Variants in KCTD16 observed in about 807,000 individuals in gnomAD.
KCTD16 encodes BTB/POZ domain-containing protein KCTD16.
KCTD16 carries 13 observed loss-of-function variants against 33.2 expected under a neutral mutation model. The ratio of observed to expected loss-of-function variants is 0.39; its 90% CI spans 0.25 to 0.62. KCTD16 has a LOEUF of 0.62. Ranked by LOEUF, KCTD16 falls within the 20% of genes least tolerant of loss-of-function variation. The pLI is 0.50. For synonymous variants in KCTD16, 197 were observed against 195.3 expected, an observed-to-expected ratio of 1.01 and a Z score of -0.07; for missense variants, 441 against 525.1, an observed-to-expected ratio of 0.84 and a Z score of 1.57.
intron 3 of KCTD16, among the ~76,000 whole-genome samples, chr5:144,224,062 T>C (rs1753850193): frequency 6.6e-6 from 1 of 152,216 alleles, no homozygotes; most frequent in African/African-American, 2.4e-5. Context: ...CATTTTTATT[T>C]GTTTTGTTTT....
At chr5:144,197,208 A>T (rs1752955738) in intron 2 of KCTD16, among the ~76,000 whole-genome samples, 1 of 152,218 alleles carries the variant, frequency 6.6e-6, no homozygotes, top group South Asian at 2.1e-4. Context: ...TAAAAAATAA[A>T]AACTAGAATT....
chr5:144,443,553 A>T (rs1050305425), intron 3 of KCTD16, among the ~76,000 whole-genome samples: 25 of 152,148 alleles, frequency 1.6e-4, no homozygotes, highest in African/African-American at 5.8e-4. Context: ...TAGTATATAT[A>T]AGAAAGGTAG....
At chr5:144,263,227 A>G (rs1044323934) in intron 3 of KCTD16, among the ~76,000 whole-genome samples, 14 of 152,208 alleles carry the variant, frequency 9.2e-5, no homozygotes, top group African/African-American at 2.7e-4. Flanking sequence ...GTTTACAGCA[A>G]TAGTTCCCAC....
intron 3 of KCTD16, among the ~76,000 whole-genome samples, chr5:144,454,516 A>G (rs1458833926): frequency 6.6e-6 from 1 of 150,778 alleles, no homozygotes; most frequent in African/African-American, 2.5e-5. Context: ...CTGGAATTAT[A>G]TCAACATGAA....
Position 144,283,043 on chromosome 5 carries a change from C to A in KCTD16, c.832+75497C>A, listed in dbSNP as rs529004218. On this transcript the variant is annotated intron_variant, in intron 3 of 3. Transcript: ENST00000512467. Reference sequence around the variant, plus strand: ...CACTGAAAGAGGGGGAATTGGATTTCTCTTTTTTTCTTTTTTTTATTATAC... The same window carrying A: ...CACTGAAAGAGGGGGAATTGGATTTATCTTTTTTTCTTTTTTTTATTATAC... Among the ~76,000 whole-genome samples, 4 of 152,248 alleles carry A rather than the reference C, an allele frequency of 2.6e-5. No individual in the cohort carries two copies. The East Asian group carries it at 5.8e-4, about 22-fold the overall frequency.
intron 3 of KCTD16, among the ~76,000 whole-genome samples, chr5:144,459,583 C>T (rs1754147006): frequency 6.6e-6 from 1 of 152,064 alleles, no homozygotes. Flanking sequence ...CTCCTGACCT[C>T]AGGTGATCTG....
chr5:144,318,609 A>G (rs755480402), intron 3 of KCTD16, among the ~76,000 whole-genome samples: 2 of 152,216 alleles, frequency 1.3e-5, no homozygotes, highest in Non-Finnish European at 2.9e-5. Flanking sequence ...TTTCTCATTC[A>G]GGACTATTTC....
At chr5:144,409,747 G>T (rs944993034) in intron 3 of KCTD16, among the ~76,000 whole-genome samples, 2 of 151,988 alleles carry the variant, frequency 1.3e-5, no homozygotes, top group African/African-American at 4.8e-5. Context: ...AAAGCAGGAG[G>T]CAGAGTTTGC....
intron 3 of KCTD16, among the ~76,000 whole-genome samples, chr5:144,296,103 G>A (rs1756026798): frequency 6.6e-6 from 1 of 152,152 alleles, no homozygotes; most frequent in East Asian, 1.9e-4. Flanking sequence ...TCTGCTTTCT[G>A]CTATTGCATG....
At chr5:144,467,987 G>A (rs1233212616) in intron 3 of KCTD16, among the ~76,000 whole-genome samples, 1 of 152,090 alleles carries the variant, frequency 6.6e-6, no homozygotes, top group Non-Finnish European at 1.5e-5. Context: ...TAAAACATGG[G>A]AAGAATTCCT....
chr5:144,381,094 A>G (rs1268096604), intron 3 of KCTD16, among the ~76,000 whole-genome samples: 2 of 152,190 alleles, frequency 1.3e-5, no homozygotes, highest in East Asian at 3.9e-4. Flanking sequence ...TAAGAAACTT[A>G]AACAAATTAA....
At chr5:144,456,698 C>T (rs1273225655) in intron 3 of KCTD16, among the ~76,000 whole-genome samples, 9 of 150,244 alleles carry the variant, frequency 6.0e-5, no homozygotes, top group Non-Finnish European at 1.3e-4. Context: ...GTAGTTGTGT[C>T]GATCTGGGCT....
In KCTD16 at chr5:144,454,028, C is replaced by G. The variant is rs183625383; in HGVS notation, c.833-19632C>G. On this transcript the variant is annotated intron_variant, in intron 3 of 3. Transcript: ENST00000512467. ...GGATGGAATAAAGGGTGATTAACCT[C>G]TCAGATTTCTTTTGATGAGAAAGTT... Among the ~76,000 whole-genome samples, 426 of 152,268 alleles carry G rather than the reference C, an allele frequency of 2.8e-3. 3 individuals carry two copies. Among genetic ancestry groups the G allele is most frequent in the African/African-American group, 9.9e-3 (410 of 41,550 alleles).
intron 2 of KCTD16, among the ~76,000 whole-genome samples, chr5:144,178,494 G>C (rs1332651754): frequency 6.6e-6 from 1 of 152,106 alleles, no homozygotes; most frequent in Non-Finnish European, 1.5e-5. Flanking sequence ...TGCACACTTA[G>C]ATCTAGAAGT....
intron 3 of KCTD16, among the ~76,000 whole-genome samples, chr5:144,303,365 A>G (rs1751496663): frequency 6.6e-6 from 1 of 152,132 alleles, no homozygotes; most frequent in Non-Finnish European, 1.5e-5. Flanking sequence ...TAGGCTTGTG[A>G]GATCTCTGTA....
intron 3 of KCTD16, among the ~76,000 whole-genome samples, chr5:144,401,319 C>T (rs1398964512): frequency 6.6e-6 from 1 of 152,156 alleles, no homozygotes; most frequent in Non-Finnish European, 1.5e-5. Flanking sequence ...AGTGAGACCA[C>T]TCTTAGGAGT....
chr5:144,187,807 T>C (rs1752759089), intron 2 of KCTD16, among the ~76,000 whole-genome samples: 1 of 152,220 alleles, frequency 6.6e-6, no homozygotes, highest in Admixed American at 6.5e-5. Context: ...TGTTAAATGT[T>C]TGAGGAAAGA....
intron 3 of KCTD16, among the ~76,000 whole-genome samples, chr5:144,227,460 A>T (rs1753968628): frequency 1.3e-5 from 2 of 152,198 alleles, no homozygotes; most frequent in Admixed American, 1.3e-4. Context: ...AGGGAGCCAG[A>T]TTCTGTAGGG....
rs987954593 is a variant in KCTD16 at position 144,485,230 on chromosome 5, C to A, written c.*11116C>A. ...TAATTGTCCCAATGGAATTGCACATCATTTTGGCAATCATTGGTTCACTCA... is the reference window on the plus strand; with the variant it reads ...TAATTGTCCCAATGGAATTGCACATAATTTTGGCAATCATTGGTTCACTCA... On this transcript the variant is annotated 3_prime_UTR_variant, in exon 4 of 4. Transcript: ENST00000512467. 2.0e-5 allele frequency: 3 copies of A among 151,870 alleles called. No homozygotes were observed. Among genetic ancestry groups the A allele is most frequent in the Non-Finnish European group, 2.9e-5 (2 of 67,898 alleles). 9.4% of individuals were successfully genotyped at this position (151,870 alleles called of 1,614,324 possible).
Sources: gnomAD v4.1 joint callset for allele counts (sites outside exome capture counted in the v4.1 genomes callset) on GRCh38, gnomAD v4.1.1 for gene constraint, MANE v1.5 for transcripts, NCBI Gene and HGNC (gene_info 2026-07-23, HGNC 2026-07-21) for gene names.